The following PKHD1 variants were observed in gnomAD, a reference collection of about 807,000 sequenced individuals.
The protein encoded by PKHD1 is PKHD1 ciliary IPT domain containing fibrocystin/polyductin.
PKHD1 carries 291 observed loss-of-function variants against 412.0 expected under a neutral mutation model. The observed-to-expected ratio is 0.71, with a 90% CI of 0.64 to 0.78. PKHD1 has a LOEUF of 0.78. Ranked by LOEUF, PKHD1 falls within the 30% of genes least tolerant of loss-of-function variation. PKHD1 has a pLI of 0.00. For synonymous variants in PKHD1, 1,777 were observed against 1,821.5 expected (o/e 0.98, Z 0.62); for missense variants, 4,825 against 4,950.7 (o/e 0.97, Z 0.76).
chr6:51,873,476 T>A (rs1776332535), intron 46 of PKHD1, among the ~76,000 whole-genome samples: 1 of 152,240 alleles, frequency 6.6e-6, no homozygotes. Flanking sequence ...GATCTTGCTC[T>A]GGCAATGTTC....
At chr6:51,746,550 C>T (rs756643140) in intron 59 of PKHD1, among the ~76,000 whole-genome samples, 171 bp downstream of exon 59, 5 of 152,062 alleles carry the variant, frequency 3.3e-5, no homozygotes, top group Middle Eastern at 3.4e-3. Context: ...TATCACAAGG[C>T]GTGAATATAG....
At chr6:51,707,023 T>C (rs773449369) in intron 60 of PKHD1, among the ~76,000 whole-genome samples, 19 of 152,328 alleles carry the variant, frequency 1.2e-4, no homozygotes, top group Non-Finnish European at 2.1e-4. Flanking sequence ...TGGTGATTAC[T>C]AAAACATGTT....
At position 52,053,979 on chromosome 6, in the gene PKHD1, A is replaced by G; in HGVS notation, c.1964+59T>C. 4 of 1,594,914 alleles carry G rather than the reference A, an allele frequency of 2.5e-6. No individual in the cohort carries two copies. In the South Asian group the frequency reaches 4.4e-5, roughly 18 times the overall value. ...TGCCTGAGGTGGGTAACTGTCCCCA[A>G]AACAGTGAATCCTCCCAGCTGACTG... is the stretch of plus-strand genomic sequence containing the variant. On this transcript the variant is annotated intron_variant, in intron 20 of 66. Coordinates refer to ENST00000371117, the MANE Select transcript of PKHD1 (RefSeq NM_138694.4).
chr6:52,028,187 A>G lies in PKHD1; in HGVS notation c.3529T>C (p.Ser1177Pro), dbSNP rs1581827273. The G allele has an allele frequency of 1.2e-6, 2 of 1,614,256 alleles. No homozygotes were observed. Among genetic ancestry groups the G allele is most frequent in the Non-Finnish European group, 1.7e-6 (2 of 1,180,044 alleles). Residue 1177 changes from serine to proline, a missense_variant, in exon 30 of 67, where the codon TCT (serine) becomes CCT (proline). Physicochemically the swap from Ser to Pro is moderately conservative, Grantham distance 74. Coordinates refer to ENST00000371117, the MANE Select transcript of PKHD1 (RefSeq NM_138694.4). ...GAGTGAATGCTGACCCCATTGATAG[A>G]GACGGAAATTCTGTGGAGACCAGCT... is the stretch of plus-strand genomic sequence containing the variant. ...LPAGLHRISV[S>P]INGVSIHSQG...
chr6:51,953,013 TTACCCA>T (rs1378433045), intron 36 of PKHD1, among the ~76,000 whole-genome samples: 2 of 152,124 alleles, frequency 1.3e-5, no homozygotes, highest in African/African-American at 4.8e-5. Context: ...GACCAGAGCC[TTACCCA>T]AAACCATAAA....
In PKHD1 at chr6:51,747,835, G is replaced by A; in HGVS notation, c.9781C>T (p.His3261Tyr). ...ATTGAATGATCATTCCTCACTTTGT[G>A]CCATGGCTCCTGAGGCCACTGATTT... ...EPNQWPQEPW[H>Y]KVRNDHSISG... The change falls in exon 58 of 67, where the codon CAC becomes TAC. Residue 3261 changes from histidine (H) to tyrosine (Y), a missense_variant. Coordinates refer to ENST00000371117, the MANE Select transcript of PKHD1 (RefSeq NM_138694.4). 6.2e-7 allele frequency: 1 copy of A among 1,613,772 alleles called. No homozygotes were observed. Among genetic ancestry groups the A allele is most frequent in the Non-Finnish European group, 8.5e-7 (1 of 1,179,736 alleles).
At chr6:51,759,011 G>A (rs549934373) in intron 55 of PKHD1, among the ~76,000 whole-genome samples, 25 of 152,182 alleles carry the variant, frequency 1.6e-4, no homozygotes, top group African/African-American at 5.8e-4. Context: ...AACATGCCCT[G>A]TCTCACCTGC....
chr6:51,833,277 T>G (rs915141358), intron 51 of PKHD1, among the ~76,000 whole-genome samples: 1 of 152,188 alleles, frequency 6.6e-6, no homozygotes, highest in Non-Finnish European at 1.5e-5. Context: ...TACTCTTGCT[T>G]ATAAGAGGGC....
intron 37 of PKHD1, among the ~76,000 whole-genome samples, chr6:51,920,335 AG>A (rs1183650384): frequency 5.9e-5 from 9 of 152,226 alleles, no homozygotes; most frequent in Non-Finnish European, 1.2e-4. Context: ...TTTTAGATGA[AG>A]GGCTGTTGAA....
chr6:51,657,916 T>A (rs112806578), intron 61 of PKHD1, among the ~76,000 whole-genome samples: 29 of 152,224 alleles, frequency 1.9e-4, no homozygotes, highest in African/African-American at 6.5e-4. Context: ...CTAAATAAAA[T>A]TAAGCAATAA....
chr6:51,842,072 T>TC (rs1485063448), intron 50 of PKHD1, among the ~76,000 whole-genome samples: 1 of 152,248 alleles, frequency 6.6e-6, no homozygotes, highest in Non-Finnish European at 1.5e-5. Flanking sequence ...TGCACAGCCC[T>TC]CTTGCCCTTT....
chr6:52,001,735 T>C (rs547847597), intron 35 of PKHD1, among the ~76,000 whole-genome samples: 1 of 152,188 alleles, frequency 6.6e-6, no homozygotes, highest in Non-Finnish European at 1.5e-5. Flanking sequence ...CCAGCCTCCT[T>C]CTTTTTTAAA....
rs9382063 is a variant in PKHD1 at position 52,063,317 on chromosome 6, C to T, written c.977-657G>A. On this transcript the variant is annotated intron_variant, in intron 13 of 66. Coordinates refer to ENST00000371117, the MANE Select transcript of PKHD1 (RefSeq NM_138694.4). ...GCAAAACTCTGGAATCCCAGCTAGA[C>T]GTGTAGCTTTGAGCAAATTCCTTGA... Among the ~76,000 whole-genome samples the T allele has an allele frequency of 8.1e-3, 1,240 of 152,302 alleles. 45 individuals carry two copies. In the East Asian group the frequency reaches 0.094, roughly 11 times the overall value.
At chr6:52,004,592 T>G (rs1798832190) in intron 35 of PKHD1, among the ~76,000 whole-genome samples, 1 of 152,248 alleles carries the variant, frequency 6.6e-6, no homozygotes, top group Non-Finnish European at 1.5e-5. Flanking sequence ...TCTTCCTTCC[T>G]TTAAAGGGTG....
chr6:51,918,411 A>G (rs1727314694), intron 37 of PKHD1, among the ~76,000 whole-genome samples: 1 of 151,876 alleles, frequency 6.6e-6, no homozygotes. Context: ...ATGTGTTGTC[A>G]TTGTTCAACT....
intron 43 of PKHD1, among the ~76,000 whole-genome samples, chr6:51,893,405 C>T (rs755970225): frequency 9.2e-5 from 14 of 152,254 alleles, no homozygotes; most frequent in East Asian, 7.7e-4. Flanking sequence ...ACTTTCCAAG[C>T]GCATTTATAG....
intron 60 of PKHD1, among the ~76,000 whole-genome samples, chr6:51,708,097 A>C (rs535516225): frequency 6.6e-5 from 10 of 152,284 alleles, no homozygotes; most frequent in African/African-American, 2.4e-4. Context: ...GATGACTATC[A>C]TATACCTCAT....
intron 43 of PKHD1, among the ~76,000 whole-genome samples, chr6:51,900,309 G>C (rs574431988): frequency 1.9e-3 from 291 of 152,244 alleles, no homozygotes; most frequent in Middle Eastern, 6.8e-3. Context: ...CATGGTACTG[G>C]TACCAAAACA....
At chr6:51,727,615 C>T (rs1219461017) in intron 60 of PKHD1, among the ~76,000 whole-genome samples, 1 of 152,154 alleles carries the variant, frequency 6.6e-6, no homozygotes, top group East Asian at 1.9e-4. Flanking sequence ...CCTCCTTACC[C>T]TTGGGAGGTG....
Sources: gnomAD v4.1 joint callset for allele counts (sites outside exome capture counted in the v4.1 genomes callset) on GRCh38, gnomAD v4.1.1 for gene constraint, MANE v1.5 for transcripts, NCBI Gene and HGNC (gene_info 2026-07-23, HGNC 2026-07-21) for gene names.